Variants in GNAL observed in about 807,000 individuals in gnomAD.
GNAL encodes G protein subunit alpha L.
In GNAL, 18 loss-of-function variants were observed where a neutral mutation model predicts 55.1. The observed-to-expected ratio is 0.33, with a 90% CI of 0.23 to 0.48. The LOEUF is 0.48. Among genes scored for constraint, GNAL ranks in the 20% least tolerant of loss-of-function variants. The pLI, the probability that GNAL is intolerant of heterozygous loss-of-function variation, is 0.99. For missense variants in GNAL, 412 were observed against 614.1 expected, an observed-to-expected ratio of 0.67 and a Z score of 3.48; for synonymous variants, 253 against 237.0, an observed-to-expected ratio of 1.07 and a Z score of -0.62.
rs760223704 is a variant in GNAL, at chr18:11,851,616, A to C, written c.723-10779A>C. On this transcript the variant is annotated intron_variant, in intron 5 of 11. Coordinates refer to ENST00000334049, the MANE Select transcript of GNAL (RefSeq NM_182978.4). Reference sequence around the variant, plus strand: ...AGGAGGAAAAGGCCGAAAAGGCCAAAATTAAAAAGGCCATTCAGAAGGGCA... The same window carrying C: ...AGGAGGAAAAGGCCGAAAAGGCCAACATTAAAAAGGCCATTCAGAAGGGCA... 1.2e-6 allele frequency: 2 copies of C among 1,613,818 alleles called. No individual in the cohort carries two copies. The highest frequency in any genetic ancestry group is 2.7e-5 in the African/African-American group (2 of 74,932).
At chr18:11,871,936 A>T (rs1476929776) in intron 9 of GNAL, among the ~76,000 whole-genome samples, 1 of 152,236 alleles carries the variant, frequency 6.6e-6, no homozygotes, top group African/African-American at 2.4e-5. Flanking sequence ...TAGTTGCATT[A>T]TACTTACTAG....
intron 1 of GNAL, among the ~76,000 whole-genome samples, chr18:11,709,944 A>C (rs1357374063): frequency 1.3e-5 from 2 of 152,202 alleles, no homozygotes; most frequent in Non-Finnish European, 2.9e-5. Context: ...GGCTTTTCAC[A>C]TACAGCTTTA....
chr18:11,807,170 A>AG (rs1179569798), intron 4 of GNAL, among the ~76,000 whole-genome samples: 1 of 151,746 alleles, frequency 6.6e-6, no homozygotes, highest in African/African-American at 2.4e-5. Context: ...AAAAAAAAAA[A>AG]GAAAGAAAGA....
chr18:11,786,436 C>CCT (rs2034059621), intron 4 of GNAL, among the ~76,000 whole-genome samples: 142 of 60,682 alleles, frequency 2.3e-3, no homozygotes, highest in African/African-American at 9.5e-3. Flanking sequence ...CATACGTTTT[C>CCT]TTTTTTTTTT....
At chr18:11,734,470 C>CCTGT in intron 1 of GNAL, among the ~76,000 whole-genome samples, 1 of 151,302 alleles carries the variant, frequency 6.6e-6, no homozygotes, top group Non-Finnish European at 1.5e-5. Context: ...AGGATCAAAT[C>CCTGT]ACATAGAATG....
intron 5 of GNAL, chr18:11,852,956 CTATTAGAAGTCTTATAAATTATGCTAAT>C (rs1391412922): frequency 6.0e-6 from 1 of 167,008 alleles, no homozygotes; most frequent in Admixed American, 6.5e-5. Flanking sequence ...TGTTTCAACA[CTATTAGAAGTCTTATAAATTATGCTAAT>C]TAGCATGGCA....
At chr18:11,716,955 C>T (rs908927277) in intron 1 of GNAL, among the ~76,000 whole-genome samples, 6 of 152,236 alleles carry the variant, frequency 3.9e-5, no homozygotes, top group Admixed American at 6.5e-5. Context: ...CCACACTCCT[C>T]AGCCCTTAGG....
chr18:11,777,765 A>C (rs575302746), intron 4 of GNAL, among the ~76,000 whole-genome samples: 4 of 152,302 alleles, frequency 2.6e-5, no homozygotes, highest in African/African-American at 9.6e-5. Flanking sequence ...GGAAGAGCAG[A>C]CCCTCGCCTA....
intron 8 of GNAL, among the ~76,000 whole-genome samples, chr18:11,867,525 A>G (rs2036291381): frequency 6.6e-6 from 1 of 152,058 alleles, no homozygotes; most frequent in East Asian, 1.9e-4. Flanking sequence ...TTAAAAATAC[A>G]AAAATTAGGC....
chr18:11,819,254 C>CT (rs2035033886), intron 4 of GNAL, among the ~76,000 whole-genome samples: 1 of 152,104 alleles, frequency 6.6e-6, no homozygotes, highest in African/African-American at 2.4e-5. Flanking sequence ...AAGCAAAAAA[C>CT]TTTCTTTTAC....
chr18:11,852,183 C>G, intron 5 of GNAL: 1 of 1,456,874 alleles, frequency 6.9e-7, no homozygotes. Flanking sequence ...TAGAGAGATA[C>G]TATACCCTAG....
In GNAL at chr18:11,876,470, A is replaced by G. The variant is rs1028767342; in HGVS notation, c.1163-151A>G. 3 of 609,628 alleles carry G rather than the reference A, an allele frequency of 4.9e-6. No individual in the cohort carries two copies. In the African/African-American group the frequency reaches 6.0e-5, roughly 12 times the overall value. The allele number at this position is 609,628 out of a possible 1,614,324, so 37.8% of individuals were successfully genotyped here. The stretch of plus-strand genomic sequence containing the variant: ...AGAGTGAGACTCCGTCTCTTAAAAA[A>G]AAAAGTACATGTTTGTTTTTGCCTT... On this transcript the variant is annotated intron_variant, in intron 10 of 11. Transcript: ENST00000334049.
rs1378196178 is a variant in GNAL, at chr18:11,752,430, A to G, written c.377-423A>G. On this transcript the variant is annotated intron_variant, in intron 1 of 11. Coordinates refer to ENST00000334049, the MANE Select transcript of GNAL (RefSeq NM_182978.4). The surrounding 1 kb of genome is among the most constrained non-coding windows in gnomAD (Gnocchi z 4.5). ...CTTCCTGACGTCCATCCCAGCGGGC[A>G]GGCATGGGGTGTTTGGGCGGCAACA... 5 of 1,601,496 alleles carry G rather than the reference A, an allele frequency of 3.1e-6. No homozygotes were observed. Among genetic ancestry groups the G allele is most frequent in the Non-Finnish European group, 3.4e-6 (4 of 1,174,888 alleles).
chr18:11,709,317 T>TTC (rs2031784322), intron 1 of GNAL, among the ~76,000 whole-genome samples: 1 of 128,344 alleles, frequency 7.8e-6, no homozygotes, highest in African/African-American at 2.9e-5. Flanking sequence ...TAGGACTGTT[T>TTC]TCTCTATTTT....
At position 11,883,746 on chromosome 18, in the gene GNAL, G is replaced by C. The variant is rs1444130678; in HGVS notation, c.*2611G>C. 2 of 151,994 alleles carry C rather than the reference G, an allele frequency of 1.3e-5. No individual in the cohort carries two copies. The highest frequency in any genetic ancestry group is 2.9e-5 in the Non-Finnish European group (2 of 68,050). The allele number at this position is 151,994 out of a possible 1,614,324, so 9.4% of individuals were successfully genotyped here. A position where few individuals can be genotyped will look rare whatever the true frequency, so the allele number is the denominator to read the frequency against. On this transcript the variant is annotated 3_prime_UTR_variant, in exon 12 of 12. Coordinates refer to ENST00000334049, the MANE Select transcript of GNAL (RefSeq NM_182978.4). ...GAGTCTCACTCTGTTGCCCAGGCTGGAGTGCAGTGGCATGATCTTGGCTCA... is the reference window on the plus strand; with the variant it reads ...GAGTCTCACTCTGTTGCCCAGGCTGCAGTGCAGTGGCATGATCTTGGCTCA...
At chr18:11,799,062 G>A (rs922549585) in intron 4 of GNAL, among the ~76,000 whole-genome samples, 17 of 151,132 alleles carry the variant, frequency 1.1e-4, no homozygotes, top group African/African-American at 3.4e-4. Flanking sequence ...GCAATGAGTC[G>A]AGATCAAGCC....
At chr18:11,765,316 A>G (rs928642804) in intron 4 of GNAL, among the ~76,000 whole-genome samples, 4 of 152,236 alleles carry the variant, frequency 2.6e-5, no homozygotes, top group Non-Finnish European at 5.9e-5. Flanking sequence ...ACATGTTTAT[A>G]GGGTACGTGT....
chr18:11,825,058 ATGATT>A, intron 5 of GNAL, 43 bp downstream of exon 5: 1 of 999,554 alleles, frequency 1.0e-6, no homozygotes, highest in Non-Finnish European at 1.6e-6. Flanking sequence ...TTTGAAGAAT[ATGATT>A]GCATGCATGA....
chr18:11,765,123 T>C lies in GNAL; in HGVS notation c.624+11178T>C, dbSNP rs899536658. ...TCATGCTCTTGATAATAAAAGCACA[T>C]GGAGGACCAGCCACAACAGCGACCT... On this transcript the variant is annotated intron_variant, in intron 4 of 11. Transcript: ENST00000334049. Among the ~76,000 whole-genome samples, 10 of 152,330 alleles carry C rather than the reference T, an allele frequency of 6.6e-5. 1 individual carries two copies. The East Asian group carries it at 1.9e-3, about 29-fold the overall frequency.
Sources: gnomAD v4.1 joint callset for allele counts (sites outside exome capture counted in the v4.1 genomes callset) on GRCh38, gnomAD v4.1.1 for gene constraint, Gnocchi (gnomAD v3.1) non-coding constraint, MANE v1.5 for transcripts, NCBI Gene and HGNC (gene_info 2026-07-23, HGNC 2026-07-21) for gene names.